The following NACC2 variants were observed in gnomAD, a reference collection of about 807,000 sequenced individuals.
NACC2 encodes nucleus accumbens-associated protein 2.
In NACC2, 8 loss-of-function variants were observed where a neutral mutation model predicts 25.1. The ratio of observed to expected loss-of-function variants is 0.32; its 90% CI spans 0.19 to 0.57. The LOEUF is 0.57. Among genes scored for constraint, NACC2 ranks in the 20% least tolerant of loss-of-function variants. The probability of loss-of-function intolerance (pLI) is 0.89; values close to 1 mark genes in which losing one functional copy is unlikely to be tolerated. For synonymous variants in NACC2, 435 were observed against 294.7 expected (o/e 1.48, Z -4.88); for missense variants, 644 against 650.2 (o/e 0.99, Z 0.10).
In NACC2 at chr9:136,010,581, C is replaced by T. The variant is rs1284517907; in HGVS notation, c.*935G>A. 6.6e-6 allele frequency: 1 copy of T among 152,190 alleles called. No homozygotes were observed. Among genetic ancestry groups the T allele is most frequent in the East Asian group, 1.9e-4 (1 of 5,190 alleles). 9.4% of individuals were successfully genotyped at this position (152,190 alleles called of 1,614,324 possible). ...TGGGCTGGGGACAGGGACACCCATCCCACCCAAAGTTTTTGTTCTATTGAG... is the reference window on the plus strand; with the variant it reads ...TGGGCTGGGGACAGGGACACCCATCTCACCCAAAGTTTTTGTTCTATTGAG... On this transcript the variant is annotated 3_prime_UTR_variant, in exon 6 of 6. Coordinates refer to ENST00000277554, the MANE Select transcript of NACC2 (RefSeq NM_144653.5). This position sits in a 1 kb window ranked among gnomAD's most constrained non-coding sequence, Gnocchi z 4.9.
At chr9:136,045,601 C>T (rs1588569574) in intron 2 of NACC2, among the ~76,000 whole-genome samples, 1 of 152,226 alleles carries the variant, frequency 6.6e-6, no homozygotes, top group South Asian at 2.1e-4. Context: ...AGCCCCCTCC[C>T]CTTCAGAGGA....
rs1485403827 is a variant in NACC2 at position 136,051,875 on chromosome 9, CAAGGAG to C, written c.-59-1301_-59-1296del. ...GGGCGGGGAGGGCGCAGGGAGCCGG[CAAGGAG>C]GAGGAGGAGGAGGAGGAGGAGGAGG... On this transcript the variant is annotated intron_variant, in intron 1 of 5. Transcript: ENST00000277554. 1.4e-4 allele frequency among the ~76,000 whole-genome samples: 15 copies of C among 105,246 alleles called. No homozygotes were observed. The East Asian group carries it at 2.2e-3, about 16-fold the overall frequency. The allele number at this position is 105,246 out of a possible 152,430, so 69.0% of individuals were successfully genotyped here. A position where few individuals can be genotyped will look rare whatever the true frequency, so the allele number is the denominator to read the frequency against.
At chr9:136,079,044 A>G (rs7036473) in intron 1 of NACC2, among the ~76,000 whole-genome samples, 98 of 143,900 alleles carry the variant, frequency 6.8e-4, no homozygotes, top group African/African-American at 2.1e-3. Context: ...ATTTGACTTC[A>G]ATCATAGCTT....
intron 1 of NACC2, among the ~76,000 whole-genome samples, chr9:136,083,578 G>A (rs970762067): frequency 3.3e-5 from 5 of 152,246 alleles, no homozygotes; most frequent in African/African-American, 4.8e-5. Context: ...GGGAAAACGC[G>A]GACACCTGTG....
In NACC2 at chr9:136,006,824, CA is replaced by C. The variant is rs398069062; in HGVS notation, c.*4691del. 1,260 of 139,742 alleles carry C rather than the reference CA, an allele frequency of 9.0e-3. 11 individuals are homozygous for C. The highest frequency in any genetic ancestry group is 0.05 in the Middle Eastern group (14 of 280). 8.7% of individuals were successfully genotyped at this position (139,742 alleles called of 1,614,324 possible). A position where few individuals can be genotyped will look rare whatever the true frequency, so the allele number is the denominator to read the frequency against. ...AAAGGCTTCCTCCTTAAAAAAAAGA[CA>C]AAAAAAAAAAGCTAAGCATCTGTGG... On this transcript the variant is annotated 3_prime_UTR_variant, in exon 6 of 6. Coordinates refer to ENST00000277554, the MANE Select transcript of NACC2 (RefSeq NM_144653.5).
chr9:136,067,623 G>T (rs886810042), intron 1 of NACC2, among the ~76,000 whole-genome samples: 1 of 152,158 alleles, frequency 6.6e-6, no homozygotes, highest in Non-Finnish European at 1.5e-5. Context: ...AGATCACGAG[G>T]TCAAGAGATC....
intron 3 of NACC2, 113 bp downstream of exon 3, chr9:136,016,152 A>ATTTT: frequency 8.9e-7 from 1 of 1,123,964 alleles, no homozygotes. Flanking sequence ...GAAATTTAAG[A>ATTTT]TTTTTTTTTT....
chr9:136,044,065 T>G (rs1250566875), intron 2 of NACC2, among the ~76,000 whole-genome samples: 1 of 152,110 alleles, frequency 6.6e-6, no homozygotes, highest in Admixed American at 6.5e-5. Context: ...CCTTAAGAGA[T>G]CTGCCCACCT....
chr9:136,044,161 G>C (rs1345623149), intron 2 of NACC2, among the ~76,000 whole-genome samples: 2 of 152,084 alleles, frequency 1.3e-5, no homozygotes, highest in Non-Finnish European at 2.9e-5. Flanking sequence ...AGGCGGGGAG[G>C]AGAGAACAAT....
chr9:136,094,159 A>G (rs531088696), intron 1 of NACC2, among the ~76,000 whole-genome samples: 1 of 152,344 alleles, frequency 6.6e-6, no homozygotes, highest in African/African-American at 2.4e-5. Flanking sequence ...CGCGCAGCAG[A>G]GAACACAGCT....
Position 136,050,294 on chromosome 9 carries a change from G to A in NACC2, c.228C>T (p.Ala76=), listed in dbSNP as rs1840801481. The change falls in exon 2 of 6, where the codon GCC becomes GCT. Residue 76 remains alanine, a synonymous_variant. Coordinates refer to ENST00000277554, the MANE Select transcript of NACC2 (RefSeq NM_144653.5). The stretch of plus-strand genomic sequence containing the variant: ...AGAAGGACAGGATCTGCTGGAAGCA[G>A]GCGGGCGGCACGGAGCCGGGCAGCT... ...AFELPGSVPP[A]CFQQILSFCY... is the part of the protein sequence containing the mutation. 2 of 751,836 alleles carry A rather than the reference G, an allele frequency of 2.7e-6. No homozygotes were observed. The highest frequency in any genetic ancestry group is 1.8e-5 in the Admixed American group (1 of 55,544). The allele number at this position is 751,836 out of a possible 1,614,324, so 46.6% of individuals were successfully genotyped here.
At chr9:136,083,944 G>A (rs909851675) in intron 1 of NACC2, among the ~76,000 whole-genome samples, 1 of 152,072 alleles carries the variant, frequency 6.6e-6, no homozygotes, top group Admixed American at 6.5e-5. Flanking sequence ...AGTCAAAGCT[G>A]AGAAAGCCTC....
chr9:136,091,421 C>A lies in NACC2; in HGVS notation c.-60+3768G>T, dbSNP rs962208693. Among the ~76,000 whole-genome samples, 4 of 152,266 alleles carry A rather than the reference C, an allele frequency of 2.6e-5. No individual in the cohort carries two copies. The East Asian group carries it at 7.7e-4, about 29-fold the overall frequency. On this transcript the variant is annotated intron_variant, in intron 1 of 5. Coordinates refer to ENST00000277554, the MANE Select transcript of NACC2 (RefSeq NM_144653.5). ...GGCTGCCAAGTGCTCCAGTGAGGAC[C>A]CAGGCCCAGCAAGCAGACACTGGGG...
At position 136,013,735 on chromosome 9, in the gene NACC2, A is replaced by C; in HGVS notation, c.1157+129T>G. 1.3e-6 allele frequency: 1 copy of C among 792,582 alleles called. No homozygotes were observed. Among genetic ancestry groups the C allele is most frequent in the Non-Finnish European group, 2.0e-6 (1 of 506,460 alleles). The allele number at this position is 792,582 out of a possible 1,614,324, so 49.1% of individuals were successfully genotyped here. ...TCCACCGTCCTGGGGCCGACCGGCC[A>C]CGGCTGAAGTCAGGAATGCGAGAGG... On this transcript the variant is annotated intron_variant, in intron 4 of 5. Transcript: ENST00000277554. The surrounding 1 kb of genome is among the most constrained non-coding windows in gnomAD (Gnocchi z 6.6).
chr9:136,017,249 G>A (rs915810371), intron 2 of NACC2, among the ~76,000 whole-genome samples: 2 of 152,182 alleles, frequency 1.3e-5, no homozygotes, highest in African/African-American at 4.8e-5. Context: ...CGACCCCGAT[G>A]GCACCACGCG....
chr9:136,022,957 A>G lies in NACC2; in HGVS notation c.887-6528T>C, dbSNP rs73551133. ...CAGCCCGTTTCGTGGATGCTGACAC[A>G]TGGGGAAATGCAGAAAAGCCCAGCA... On this transcript the variant is annotated intron_variant, in intron 2 of 5. Transcript: ENST00000277554. This position sits in a 1 kb window ranked among gnomAD's most constrained non-coding sequence, Gnocchi z 4.4. Among the ~76,000 whole-genome samples the G allele has an allele frequency of 0.042, 6,129 of 145,950 alleles. 290 individuals carry two copies. Among genetic ancestry groups the G allele is most frequent in the African/African-American group, 0.11 (4,352 of 38,776 alleles).
At chr9:136,058,068 C>T (rs1840953393) in intron 1 of NACC2, among the ~76,000 whole-genome samples, 1 of 152,154 alleles carries the variant, frequency 6.6e-6, no homozygotes, top group Non-Finnish European at 1.5e-5. Context: ...TCATGTAAAT[C>T]AGAGCGACAC....
chr9:136,045,367 C>CA (rs1840706527), intron 2 of NACC2, among the ~76,000 whole-genome samples: 10 of 127,884 alleles, frequency 7.8e-5, no homozygotes, highest in Admixed American at 6.7e-4. Context: ...CACGGGCCCA[C>CA]GGGCCCTGTG....
At chr9:136,087,646 C>T (rs967437708) in intron 1 of NACC2, among the ~76,000 whole-genome samples, 14 of 152,328 alleles carry the variant, frequency 9.2e-5, no homozygotes, top group Middle Eastern at 3.4e-3. Context: ...GTACCCCATT[C>T]GGAGCTCACA....
Sources: allele counts gnomAD v4.1 joint callset (sites outside exome capture counted in the v4.1 genomes callset), GRCh38; gene constraint gnomAD v4.1.1; non-coding constraint Gnocchi (gnomAD v3.1); transcripts MANE v1.5; gene names NCBI Gene and HGNC (gene_info 2026-07-23, HGNC 2026-07-21).